Variants in AK4 observed in about 807,000 individuals in gnomAD.
AK4 encodes the protein adenylate kinase 4, mitochondrial.
A neutral mutation model predicts 24.6 loss-of-function variants in AK4; 13 were observed. That is an observed-to-expected ratio of 0.53 (90% CI 0.34 to 0.84). The LOEUF (loss-of-function observed/expected upper bound fraction) is 0.84. Ranked by LOEUF, AK4 falls within the 40% of genes least tolerant of loss-of-function variation. The pLI is 0.01. For missense variants in AK4, 192 were observed against 288.2 expected (o/e 0.67, Z 2.42); for synonymous variants, 88 against 107.0 (o/e 0.82, Z 1.10).
At chr1:65,150,280 TCTCTC>T (rs1313551467) in intron 1 of AK4, among the ~76,000 whole-genome samples, 1 of 121,342 alleles carries the variant, frequency 8.2e-6, no homozygotes, top group Non-Finnish European at 1.6e-5. Flanking sequence ...TTTCTCTCTC[TCTCTC>T]TTTTTTTTTT....
chr1:65,167,244 G>A (rs1221084670), intron 1 of AK4, among the ~76,000 whole-genome samples: 2 of 152,200 alleles, frequency 1.3e-5, no homozygotes, highest in African/African-American at 4.8e-5. Flanking sequence ...ATGCTGGGCT[G>A]CTGATATATC....
rs1367361779 is a variant in AK4 at position 65,224,795 on chromosome 1, A to T, written c.482A>T (p.Asp161Val). Residue 161 changes from aspartate (D) to valine (V), a missense_variant, in exon 4 of 5, where the codon GAT (aspartate) becomes GTT (valine). Transcript: ENST00000327299. ...VTGEPLVQQE[D>V]DKPEAVAARL... is the part of the protein sequence containing the mutation. ...GGTGAACCGTTAGTCCAGCAGGAGG[A>T]TGATAAACCCGAAGCAGTTGCTGCC... The T allele has an allele frequency of 6.2e-7, 1 of 1,613,820 alleles. No individual in the cohort carries two copies. The highest frequency in any genetic ancestry group is 1.7e-5 in the Admixed American group (1 of 60,024).
chr1:65,167,998 C>A (rs1409430371), intron 1 of AK4, among the ~76,000 whole-genome samples: 1 of 152,138 alleles, frequency 6.6e-6, no homozygotes, highest in Non-Finnish European at 1.5e-5. Context: ...AGAAAAATAG[C>A]CCCAGTTCTC....
In AK4 at chr1:65,219,197, T is replaced by C. The variant is rs1333326238; in HGVS notation, c.438+271T>C. On this transcript the variant is annotated intron_variant, in intron 3 of 4. Coordinates refer to ENST00000327299, the MANE Select transcript of AK4 (RefSeq NM_013410.4). The stretch of plus-strand genomic sequence containing the variant: ...TACTGATAAATATATGTATACAATG[T>C]ATATAATTATATTTATTTTATTTAA... Among the ~76,000 whole-genome samples the C allele has an allele frequency of 2.0e-5, 3 of 151,266 alleles. No homozygotes were observed. The East Asian group carries it at 5.8e-4, about 29-fold the overall frequency.
intron 1 of AK4, among the ~76,000 whole-genome samples, chr1:65,157,353 T>G (rs936481891): frequency 6.6e-6 from 1 of 152,210 alleles, no homozygotes; most frequent in Non-Finnish European, 1.5e-5. Context: ...CTGGTAAATG[T>G]GTCTTTCAAC....
At chr1:65,203,532 G>A (rs962350046) in intron 2 of AK4, among the ~76,000 whole-genome samples, 1 of 152,048 alleles carries the variant, frequency 6.6e-6, no homozygotes, top group African/African-American at 2.4e-5. Context: ...GGCCTGGCGC[G>A]ATGGCTCACA....
intron 1 of AK4, among the ~76,000 whole-genome samples, chr1:65,171,450 G>A (rs1487061267): frequency 6.6e-6 from 1 of 151,704 alleles, no homozygotes; most frequent in African/African-American, 2.4e-5. Flanking sequence ...TGGGACTACA[G>A]GCGCCCGCCA....
At chr1:65,164,413 A>AC (rs1650263468) in intron 1 of AK4, among the ~76,000 whole-genome samples, 2 of 151,776 alleles carry the variant, frequency 1.3e-5, no homozygotes, top group Non-Finnish European at 1.5e-5. Flanking sequence ...TGCTTTAACC[A>AC]CCCCTCCCTC....
chr1:65,162,493 C>T (rs908773643), intron 1 of AK4, among the ~76,000 whole-genome samples: 10 of 151,970 alleles, frequency 6.6e-5, no homozygotes, highest in Non-Finnish European at 1.5e-4. Flanking sequence ...ATTTTTTATA[C>T]GTAACAGCTA....
At chr1:65,175,872 C>T (rs1334449922) in intron 1 of AK4, among the ~76,000 whole-genome samples, 1 of 152,194 alleles carries the variant, frequency 6.6e-6, no homozygotes, top group Non-Finnish European at 1.5e-5. Flanking sequence ...TTGCATTCAT[C>T]CCAATCTGCT....
In AK4 at chr1:65,229,596, TCTTAG is replaced by T. The variant is rs1652574145; in HGVS notation, c.*3424_*3428del. 1 of 152,144 alleles carries T rather than the reference TCTTAG, an allele frequency of 6.6e-6. No individual in the cohort carries two copies. The highest frequency in any genetic ancestry group is 1.5e-5 in the Non-Finnish European group (1 of 68,036). The allele number at this position is 152,144 out of a possible 1,614,324, so 9.4% of individuals were successfully genotyped here. On this transcript the variant is annotated 3_prime_UTR_variant, in exon 5 of 5. Coordinates refer to ENST00000327299, the MANE Select transcript of AK4 (RefSeq NM_013410.4). ...TTCACCTTTTTATGACATTCCTTTT[TCTTAG>T]CTTAAGAAAAGAAAGCTGCTAGATG...
intron 1 of AK4, among the ~76,000 whole-genome samples, chr1:65,159,945 G>A (rs147370676): frequency 4.2e-5 from 6 of 141,754 alleles, no homozygotes; most frequent in African/African-American, 1.7e-4. Context: ...TCCAGCCTGG[G>A]CAACAGCGCC....
At chr1:65,207,190 TTTTC>T (rs1651837845) in intron 2 of AK4, among the ~76,000 whole-genome samples, 1 of 152,188 alleles carries the variant, frequency 6.6e-6, no homozygotes, top group Non-Finnish European at 1.5e-5. Flanking sequence ...GTCTTTTTCT[TTTTC>T]TTTCTTTTCC....
chr1:65,181,105 C>A (rs1188389293), intron 1 of AK4, among the ~76,000 whole-genome samples: 1 of 149,238 alleles, frequency 6.7e-6, no homozygotes, highest in South Asian at 2.2e-4. Context: ...ATCTAGTTTG[C>A]CTTCACTTTA....
intron 1 of AK4, among the ~76,000 whole-genome samples, chr1:65,182,533 C>T (rs1451198223): frequency 6.1e-5 from 9 of 147,868 alleles, no homozygotes; most frequent in Admixed American, 4.6e-4. Flanking sequence ...ATAAGACATT[C>T]AGATAAAAAA....
intron 1 of AK4, among the ~76,000 whole-genome samples, chr1:65,180,298 A>T (rs1387230850): frequency 6.6e-6 from 1 of 152,100 alleles, no homozygotes; most frequent in Non-Finnish European, 1.5e-5. Context: ...AAATGCAACA[A>T]TTAGCTGGGC....
intron 1 of AK4, among the ~76,000 whole-genome samples, chr1:65,165,438 C>G (rs143760168): frequency 6.6e-6 from 1 of 151,940 alleles, no homozygotes; most frequent in Non-Finnish European, 1.5e-5. Flanking sequence ...GTCCCAGCTA[C>G]TTGGGAGGCT....
intron 2 of AK4, among the ~76,000 whole-genome samples, chr1:65,197,462 T>G (rs183234810): frequency 8.2e-4 from 125 of 152,354 alleles, no homozygotes; most frequent in African/African-American, 2.9e-3. Flanking sequence ...AATGATAACC[T>G]TTAGCACGAG....
intron 1 of AK4, among the ~76,000 whole-genome samples, chr1:65,188,950 A>T (rs1281603905): frequency 3.4e-5 from 5 of 146,244 alleles, no homozygotes; most frequent in Admixed American, 1.4e-4. Flanking sequence ...TTTTATTTTT[A>T]TTTTTTTTGC....
Sources: gnomAD v4.1 joint callset for allele counts (sites outside exome capture counted in the v4.1 genomes callset) on GRCh38, gnomAD v4.1.1 for gene constraint, MANE v1.5 for transcripts, NCBI Gene and HGNC (gene_info 2026-07-23, HGNC 2026-07-21) for gene names.